The following MICU2 variants were observed in gnomAD, a reference collection of about 807,000 sequenced individuals.
The protein encoded by MICU2 is mitochondrial calcium uptake 2.
MICU2 carries 64 observed loss-of-function variants against 60.4 expected under a neutral mutation model. The observed-to-expected ratio is 1.06, with a 90% CI of 0.87 to 1.31. The LOEUF is 1.31. Ranked by LOEUF, MICU2 falls within the 50% of genes most tolerant of loss-of-function variation. The pLI is 0.00. For missense variants in MICU2, 569 were observed against 531.0 expected, an observed-to-expected ratio of 1.07 and a Z score of -0.70; for synonymous variants, 201 against 175.0, an observed-to-expected ratio of 1.15 and a Z score of -1.17.
chr13:21,584,016 T>C (rs1888405068), intron 1 of MICU2, among the ~76,000 whole-genome samples: 1 of 152,230 alleles, frequency 6.6e-6, no homozygotes, highest in African/African-American at 2.4e-5. Context: ...TATTCATATT[T>C]TCCTTTGAAA....
At chr13:21,559,335 T>C (rs144286687) in intron 2 of MICU2, among the ~76,000 whole-genome samples, 16 of 152,202 alleles carry the variant, frequency 1.1e-4, no homozygotes, top group African/African-American at 3.9e-4. Flanking sequence ...AGTTGAGTTG[T>C]TTCCAGCTTT....
At chr13:21,592,623 G>T (rs1432058725) in intron 1 of MICU2, among the ~76,000 whole-genome samples, 1 of 152,256 alleles carries the variant, frequency 6.6e-6, no homozygotes, top group East Asian at 1.9e-4. Flanking sequence ...TAAAACACTG[G>T]CAAACCCAAT....
chr13:21,530,747 C>CT (rs1354840173), intron 4 of MICU2: 2 of 549,416 alleles, frequency 3.6e-6, no homozygotes, highest in African/African-American at 1.9e-5. Context: ...GCCAGAGCAG[C>CT]CCCCACCCCA....
chr13:21,547,679 G>C (rs1441063670), intron 2 of MICU2, among the ~76,000 whole-genome samples: 1 of 151,940 alleles, frequency 6.6e-6, no homozygotes, highest in Non-Finnish European at 1.5e-5. Context: ...ACTAACATCT[G>C]TGCCAGGCAC....
At chr13:21,506,286 G>C (rs754480003) in intron 8 of MICU2, among the ~76,000 whole-genome samples, 1 of 152,180 alleles carries the variant, frequency 6.6e-6, no homozygotes, top group Non-Finnish European at 1.5e-5. Flanking sequence ...AAAGTGCTGG[G>C]ATTACAGGTG....
intron 7 of MICU2, among the ~76,000 whole-genome samples, chr13:21,512,522 C>T (rs1886457860): frequency 6.7e-6 from 1 of 150,246 alleles, no homozygotes; most frequent in African/African-American, 2.4e-5. Flanking sequence ...ATCTCGGCTC[C>T]CTGCGAGCTC....
chr13:21,502,678 A>G, intron 9 of MICU2: 1 of 352,538 alleles, frequency 2.8e-6, no homozygotes. Flanking sequence ...GAGTGATATT[A>G]AATAACAGTA....
chr13:21,590,791 G>C (rs1463831215), intron 1 of MICU2, among the ~76,000 whole-genome samples: 1 of 152,202 alleles, frequency 6.6e-6, no homozygotes, highest in African/African-American at 2.4e-5. Flanking sequence ...AGAGGTGCAG[G>C]TGGCAGTGAG....
At chr13:21,563,607 C>A (rs1379395870) in intron 2 of MICU2, among the ~76,000 whole-genome samples, 1 of 151,998 alleles carries the variant, frequency 6.6e-6, no homozygotes, top group African/African-American at 2.4e-5. Context: ...TCAAATACTT[C>A]TTTTCCTCTT....
At position 21,561,609 on chromosome 13, in the gene MICU2, T is replaced by C. The variant is rs529333963; in HGVS notation, c.358+5188A>G. Among the ~76,000 whole-genome samples the C allele has an allele frequency of 5.9e-5, 9 of 151,998 alleles. No individual in the cohort carries two copies. In the South Asian group the frequency reaches 1.5e-3, roughly 25 times the overall value. On this transcript the variant is annotated intron_variant, in intron 2 of 11. Transcript: ENST00000382374. ...TTCCCTCATTCTGAAATTTGGTTTA[T>C]CTGAAGGCTAGCTACTCCAGCCTTC...
chr13:21,574,801 C>T (rs1888187037), intron 1 of MICU2, among the ~76,000 whole-genome samples: 1 of 152,172 alleles, frequency 6.6e-6, no homozygotes, highest in Non-Finnish European at 1.5e-5. Flanking sequence ...TGTGGTGTAA[C>T]TGGATGACTA....
intron 4 of MICU2, chr13:21,530,880 C>T: frequency 4.0e-6 from 3 of 756,950 alleles, no homozygotes; most frequent in Non-Finnish European, 4.8e-6. Flanking sequence ...ACGTCCTGTA[C>T]AGCGACAGAG....
intron 6 of MICU2, among the ~76,000 whole-genome samples, chr13:21,518,498 G>C (rs1321533767): frequency 6.6e-6 from 1 of 152,110 alleles, no homozygotes; most frequent in Admixed American, 6.5e-5. Flanking sequence ...ATCGCCTCCA[G>C]CTTTACTATT....
At chr13:21,584,497 C>T (rs1221847747) in intron 1 of MICU2, among the ~76,000 whole-genome samples, 1 of 151,782 alleles carries the variant, frequency 6.6e-6, no homozygotes, top group Non-Finnish European at 1.5e-5. Context: ...TAGTACACAA[C>T]ACACAAAGTT....
intron 2 of MICU2, among the ~76,000 whole-genome samples, chr13:21,549,960 C>G (rs1887512556): frequency 6.6e-6 from 1 of 152,066 alleles, no homozygotes; most frequent in African/African-American, 2.4e-5. Flanking sequence ...TGAAAAAAAC[C>G]TTCAGGGAAC....
intron 2 of MICU2, among the ~76,000 whole-genome samples, chr13:21,560,693 T>C (rs1046268070): frequency 2.0e-5 from 3 of 152,170 alleles, no homozygotes; most frequent in East Asian, 3.8e-4. Flanking sequence ...ATTGGGATTA[T>C]TGCAATTACA....
chr13:21,565,794 T>C (rs916318308), intron 2 of MICU2, among the ~76,000 whole-genome samples: 5 of 149,796 alleles, frequency 3.3e-5, no homozygotes, highest in African/African-American at 9.9e-5. Flanking sequence ...GATCATGCCA[T>C]TGCACTCCAG....
chr13:21,570,462 G>C lies in MICU2; in HGVS notation c.211-3518C>G, dbSNP rs190836266. 2.1e-3 allele frequency among the ~76,000 whole-genome samples: 322 copies of C among 152,192 alleles called. 1 individual carries two copies. The highest frequency in any genetic ancestry group is 7.5e-3 in the African/African-American group (312 of 41,526). Reference sequence around the variant, plus strand: ...TTTACTTCATTTTTATAATAATTCTGATCAAATCCCAGACTTGATAGATTT... The same window carrying C: ...TTTACTTCATTTTTATAATAATTCTCATCAAATCCCAGACTTGATAGATTT... On this transcript the variant is annotated intron_variant, in intron 1 of 11. Coordinates refer to ENST00000382374, the MANE Select transcript of MICU2 (RefSeq NM_152726.3).
chr13:21,494,870 A>ATT (rs557844402), intron 11 of MICU2, among the ~76,000 whole-genome samples: 20 of 151,226 alleles, frequency 1.3e-4, no homozygotes, highest in Non-Finnish European at 2.5e-4. Context: ...TTAAAAAATT[A>ATT]TTTTTTTTTG....
Sources: allele counts gnomAD v4.1 joint callset (sites outside exome capture counted in the v4.1 genomes callset), GRCh38; gene constraint gnomAD v4.1.1; transcripts MANE v1.5; gene names NCBI Gene and HGNC (gene_info 2026-07-23, HGNC 2026-07-21).